RANBP2: variants seen among roughly 807,000 people sequenced by gnomAD.
RANBP2 encodes the protein E3 SUMO-protein ligase RanBP2.
RANBP2 carries 57 observed loss-of-function variants against 303.6 expected under a neutral mutation model. The ratio of observed to expected loss-of-function variants is 0.19; its 90% confidence interval spans 0.15 to 0.23. The LOEUF is 0.23. Among genes scored for constraint, RANBP2 ranks in the 10% least tolerant of loss-of-function variants. RANBP2 has a pLI of 1.00. For synonymous variants in RANBP2, 1,167 were observed against 1,301.5 expected (o/e 0.90, Z 2.23); for missense variants, 3,138 against 3,780.8 (o/e 0.83, Z 4.46).
chr2:109,180,541 G>T, the RANBP2 span, among the ~76,000 whole-genome samples: 5 of 152,158 alleles, frequency 3.3e-5, no homozygotes, highest in Non-Finnish European at 2.9e-5. Context: ...TTGTGGGAGG[G>T]ACCCAGTGGG....
At chr2:109,279,748 G>A in the RANBP2 span, among the ~76,000 whole-genome samples, 1 of 82,804 alleles carries the variant, frequency 1.2e-5, no homozygotes, top group African/African-American at 4.1e-5. Flanking sequence ...TGGGAGCAGT[G>A]ACGCGAAACT....
the RANBP2 span, among the ~76,000 whole-genome samples, chr2:109,158,913 A>G: frequency 1.3e-5 from 2 of 152,292 alleles, no homozygotes; most frequent in South Asian, 2.1e-4. Flanking sequence ...GTCAGGAGTT[A>G]GAGACCAGCT....
the RANBP2 span, among the ~76,000 whole-genome samples, chr2:108,900,944 G>C: frequency 2.0e-5 from 3 of 152,252 alleles, no homozygotes; most frequent in South Asian, 6.2e-4. Context: ...CACAATTATA[G>C]TTGAAGACTT....
At chr2:109,002,625 C>T in the RANBP2 span, among the ~76,000 whole-genome samples, 10 of 152,304 alleles carry the variant, frequency 6.6e-5, no homozygotes, top group Admixed American at 4.6e-4. Flanking sequence ...GACCTAGGTT[C>T]CCTCTGCTCC....
At chr2:109,588,847 T>C in the RANBP2 span, among the ~76,000 whole-genome samples, 5 of 85,294 alleles carry the variant, frequency 5.9e-5, no homozygotes, top group Non-Finnish European at 1.1e-4. Flanking sequence ...GGTCAATTAC[T>C]ATTAAAAAAA....
chr2:108,955,585 G>A, the RANBP2 span, among the ~76,000 whole-genome samples: 1 of 151,952 alleles, frequency 6.6e-6, no homozygotes, highest in African/African-American at 2.4e-5. Context: ...GCACTTGCCT[G>A]TAATCCCAGC....
At chr2:109,034,879 C>T in the RANBP2 span, among the ~76,000 whole-genome samples, 1 of 152,070 alleles carries the variant, frequency 6.6e-6, no homozygotes, top group African/African-American at 2.4e-5. Flanking sequence ...ATCCAAAAGC[C>T]CATGCAGGAG....
the RANBP2 span, among the ~76,000 whole-genome samples, chr2:109,219,138 G>A: frequency 6.6e-6 from 1 of 151,934 alleles, no homozygotes; most frequent in East Asian, 1.9e-4. Flanking sequence ...CACCTCTCTC[G>A]CTCACACCCC....
the RANBP2 span, among the ~76,000 whole-genome samples, chr2:109,741,252 T>C: frequency 6.7e-6 from 1 of 148,946 alleles, no homozygotes; most frequent in Non-Finnish European, 1.5e-5. Context: ...TGTGTTAACA[T>C]TTGGAAATCA....
the RANBP2 span, chr2:109,613,703 C>A: frequency 5.8e-6 from 5 of 865,060 alleles, no homozygotes; most frequent in Non-Finnish European, 7.6e-6. Context: ...GGGTCACAAT[C>A]CCGGGCCGGA....
At chr2:109,577,053 A>C in the RANBP2 span, among the ~76,000 whole-genome samples, 1 of 152,138 alleles carries the variant, frequency 6.6e-6, no homozygotes, top group African/African-American at 2.4e-5. Flanking sequence ...ACTGGATAAC[A>C]ATAAAAACAA....
the RANBP2 span, among the ~76,000 whole-genome samples, chr2:109,426,328 T>C: frequency 6.6e-6 from 1 of 152,240 alleles, no homozygotes. Context: ...TATGAACATT[T>C]GTGATTCATG....
chr2:109,573,046 T>C, the RANBP2 span, among the ~76,000 whole-genome samples: 4 of 152,232 alleles, frequency 2.6e-5, no homozygotes, highest in East Asian at 3.8e-4. Context: ...TTACACAGTA[T>C]ACTAAAGCAA....
chr2:109,434,269 C>T, the RANBP2 span, among the ~76,000 whole-genome samples: 1 of 152,240 alleles, frequency 6.6e-6, no homozygotes, highest in African/African-American at 2.4e-5. Flanking sequence ...CTGTCACACG[C>T]CCTACTGTTA....
chr2:109,403,131 A>C, the RANBP2 span, among the ~76,000 whole-genome samples: 1 of 152,182 alleles, frequency 6.6e-6, no homozygotes, highest in African/African-American at 2.4e-5. Flanking sequence ...TGTGGTTTCT[A>C]TAGAAATGCG....
At chr2:108,737,296 G>C (rs889851283) in intron 6 of RANBP2, among the ~76,000 whole-genome samples, 2 of 149,670 alleles carry the variant, frequency 1.3e-5, no homozygotes, top group Non-Finnish European at 3.0e-5. Context: ...GGACATCGAA[G>C]ATCTTTGTAT....
the RANBP2 span, among the ~76,000 whole-genome samples, chr2:109,089,122 G>C: frequency 1.9e-4 from 29 of 152,160 alleles, no homozygotes; most frequent in Admixed American, 2.6e-4. Flanking sequence ...AGGAGGAAAA[G>C]CGAGAGAGAG....
chr2:109,711,327 C>A, the RANBP2 span, among the ~76,000 whole-genome samples: 1 of 152,002 alleles, frequency 6.6e-6, no homozygotes, highest in African/African-American at 2.4e-5. Context: ...CCATTCCTAC[C>A]ATTGCCAGGG....
intron 1 of RANBP2, among the ~76,000 whole-genome samples, chr2:108,722,800 A>C (rs1436129615): frequency 1.3e-5 from 2 of 151,048 alleles, no homozygotes; most frequent in African/African-American, 2.5e-5. Flanking sequence ...CTGAGACAGG[A>C]GAATTGCTTG....
Sources: gnomAD v4.1 joint callset for allele counts (sites outside exome capture counted in the v4.1 genomes callset) on GRCh38, gnomAD v4.1.1 for gene constraint, MANE v1.5 for transcripts, NCBI Gene and HGNC (gene_info 2026-07-23, HGNC 2026-07-21) for gene names.